The following RBAK variants were observed in gnomAD, a reference collection of about 807,000 sequenced individuals.
The protein encoded by RBAK is RB-associated KRAB zinc finger protein.
Under a neutral mutation model 65.8 loss-of-function variants are expected in RBAK, and 39 were observed. The ratio of observed to expected loss-of-function variants is 0.59; its 90% CI spans 0.46 to 0.77. RBAK has a LOEUF of 0.77. RBAK is among the 30% of genes least tolerant of loss of function. The pLI is 0.00. For missense variants in RBAK, 884 were observed against 855.1 expected (o/e 1.03, Z -0.42); for synonymous variants, 343 against 289.7 (o/e 1.18, Z -1.87).
Position 5,067,448 on chromosome 7 carries a change from A to T in RBAK, c.*1847A>T, listed in dbSNP as rs1192890191. 6.6e-6 allele frequency: 1 copy of T among 152,200 alleles called. No individual in the cohort carries two copies. Among genetic ancestry groups the T allele is most frequent in the African/African-American group, 2.4e-5 (1 of 41,466 alleles). The allele number at this position is 152,200 out of a possible 1,614,324, so 9.4% of individuals were successfully genotyped here. On this transcript the variant is annotated 3_prime_UTR_variant, in exon 5 of 5. Coordinates refer to ENST00000396912, the MANE Select transcript of RBAK (RefSeq NM_021163.4). ...GAGAAAATGAGTTAATATGCTTTGA[A>T]GAACTGTATCCAGAAAATAAAATTA... is the stretch of plus-strand genomic sequence containing the variant.
chr7:5,054,499 G>A (rs1788182497), intron 2 of RBAK, among the ~76,000 whole-genome samples: 1 of 151,106 alleles, frequency 6.6e-6, no homozygotes, highest in Admixed American at 6.6e-5. Flanking sequence ...TCTTTGTTAT[G>A]TGCCATTTCA....
intron 2 of RBAK, among the ~76,000 whole-genome samples, chr7:5,053,105 T>G (rs1208047700): frequency 2.0e-5 from 3 of 152,248 alleles, no homozygotes; most frequent in East Asian, 3.8e-4. Flanking sequence ...AAATACACAG[T>G]TACCATTTCT....
At chr7:5,057,599 A>G in intron 3 of RBAK, 85 bp from the exon 4 acceptor site, 1 of 1,595,992 alleles carries the variant, frequency 6.3e-7, no homozygotes, top group Non-Finnish European at 8.5e-7. Flanking sequence ...TCTGTTATGC[A>G]GCTTATGAGG....
chr7:5,064,868 C>G lies in RBAK; in HGVS notation c.1412C>G (p.Ala471Gly). The G allele has an allele frequency of 1.2e-6, 2 of 1,613,534 alleles. No homozygotes were observed. Among genetic ancestry groups the G allele is most frequent in the Non-Finnish European group, 1.7e-6 (2 of 1,179,686 alleles). The change falls in exon 5 of 5, where the codon GCC becomes GGC. Residue 471 changes from alanine to glycine, a missense_variant. Transcript: ENST00000396912. The surrounding 1 kb of genome is among the most constrained non-coding windows in gnomAD (Gnocchi z 6.3). Reference sequence around the variant, plus strand: ...GGCAAAACCTTCAATTTAAATTCAGCCTTCATTAGACATCGGAAAGTACAC... The same window carrying G: ...GGCAAAACCTTCAATTTAAATTCAGGCTTCATTAGACATCGGAAAGTACAC... The part of the protein sequence containing the change: ...ECGKTFNLNS[A>G]FIRHRKVHTE...
At chr7:5,062,197 G>C (rs1212784111) in intron 4 of RBAK, among the ~76,000 whole-genome samples, 4 of 152,172 alleles carry the variant, frequency 2.6e-5, no homozygotes, top group Non-Finnish European at 4.4e-5. Context: ...CCTAGCACCT[G>C]TTTTTGTTCC....
intron 4 of RBAK, among the ~76,000 whole-genome samples, chr7:5,062,438 A>G (rs1471635850): frequency 6.6e-6 from 1 of 152,184 alleles, no homozygotes; most frequent in Non-Finnish European, 1.5e-5. Context: ...GGGAGTGTAC[A>G]AACAGGTGTG....
In RBAK at chr7:5,064,902, G is replaced by C. The variant is rs750861797; in HGVS notation, c.1446G>C (p.Glu482Asp). 2.5e-6 allele frequency: 4 copies of C among 1,613,978 alleles called. No individual in the cohort carries two copies. The highest frequency in any genetic ancestry group is 3.4e-6 in the Non-Finnish European group (4 of 1,179,954). ...FIRHRKVHTE[E>D]KSHECSECGK... Reference sequence around the variant, plus strand: ...GACATCGGAAAGTACACACAGAAGAGAAATCCCATGAATGTAGTGAATGTG... The same window carrying C: ...GACATCGGAAAGTACACACAGAAGACAAATCCCATGAATGTAGTGAATGTG... Residue 482 changes from glutamate (E) to aspartate (D), a missense_variant, in exon 5 of 5, where the codon GAG (glutamate) becomes GAC (aspartate). Transcript: ENST00000396912. The surrounding 1 kb of genome is among the most constrained non-coding windows in gnomAD (Gnocchi z 6.3).
At chr7:5,050,629 G>T (rs530276854) in intron 2 of RBAK, among the ~76,000 whole-genome samples, 2 of 152,000 alleles carry the variant, frequency 1.3e-5, no homozygotes, top group African/African-American at 2.4e-5. Context: ...CTGTCACCCA[G>T]GCTGTCGTGT....
chr7:5,047,986 C>G, intron 1 of RBAK, 47 bp from the exon 2 acceptor site: 1 of 1,008,042 alleles, frequency 9.9e-7, no homozygotes, highest in Non-Finnish European at 1.5e-6. Context: ...CCTGCCTTTG[C>G]AGGCCAGAGC....
chr7:5,062,484 A>C (rs1299471163), intron 4 of RBAK, among the ~76,000 whole-genome samples: 1 of 152,222 alleles, frequency 6.6e-6, no homozygotes, highest in Admixed American at 6.5e-5. Context: ...AGGTAATAGA[A>C]TATCACAAGG....
intron 1 of RBAK, among the ~76,000 whole-genome samples, chr7:5,046,691 T>G (rs1321728694): frequency 3.3e-5 from 5 of 152,152 alleles, no homozygotes; most frequent in East Asian, 1.9e-4. Context: ...GATTTCGACC[T>G]CCTCTAAACG....
intron 2 of RBAK, among the ~76,000 whole-genome samples, chr7:5,053,674 A>T (rs1261920263): frequency 6.6e-6 from 1 of 151,938 alleles, no homozygotes; most frequent in African/African-American, 2.4e-5. Context: ...TCTCTGTTTC[A>T]TTTTATGTAA....
Position 5,057,384 on chromosome 7 carries a change from T to A in RBAK, c.105T>A (p.Asp35Glu). 1.2e-6 allele frequency: 2 copies of A among 1,614,050 alleles called. No homozygotes were observed. The highest frequency in any genetic ancestry group is 1.7e-6 in the Non-Finnish European group (2 of 1,180,020). ...LDPDEKITYR[D>E]VMLENYSHLV... is the part of the protein sequence containing the mutation. Reference sequence around the variant, plus strand: ...CTGATGAGAAGATAACTTACAGGGATGTGATGTTGGAGAACTATAGCCATC... The same window carrying A: ...CTGATGAGAAGATAACTTACAGGGAAGTGATGTTGGAGAACTATAGCCATC... Residue 35 changes from aspartate (D) to glutamate (E), a missense_variant, in exon 3 of 5, where the codon GAT (aspartate) becomes GAA (glutamate). Physicochemically the swap from Asp to Glu is conservative, Grantham distance 45. Coordinates refer to ENST00000396912, the MANE Select transcript of RBAK (RefSeq NM_021163.4).
Position 5,046,145 on chromosome 7 carries a change from C to A in RBAK, c.-296C>A. ...AGGCGAAGGGGCGGCGGGACGCGGGCCTGGCCCGTGTGTGTCCTGGCGGCC... is the reference window on the plus strand; with the variant it reads ...AGGCGAAGGGGCGGCGGGACGCGGGACTGGCCCGTGTGTGTCCTGGCGGCC... On this transcript the variant is annotated 5_prime_UTR_variant, in exon 1 of 5. Coordinates refer to ENST00000396912, the MANE Select transcript of RBAK (RefSeq NM_021163.4). 1 of 398,770 alleles carries A rather than the reference C, an allele frequency of 2.5e-6. No homozygotes were observed. The highest frequency in any genetic ancestry group is 1.8e-5 in the South Asian group (1 of 54,866). The allele number at this position is 398,770 out of a possible 1,614,324, so 24.7% of individuals were successfully genotyped here.
intron 4 of RBAK, among the ~76,000 whole-genome samples, chr7:5,060,137 G>A (rs1779034950): frequency 6.6e-6 from 1 of 152,152 alleles, no homozygotes; most frequent in South Asian, 2.1e-4. Flanking sequence ...TTCTTCTACC[G>A]AATTATAGTC....
intron 4 of RBAK, among the ~76,000 whole-genome samples, chr7:5,062,627 C>T (rs1779104832): frequency 6.6e-6 from 1 of 152,128 alleles, no homozygotes; most frequent in African/African-American, 2.4e-5. Context: ...CCGGTCTGAC[C>T]AAAATTTATT....
rs761759813 is a variant in RBAK at position 5,057,736 on chromosome 7, G to A, written c.195G>A (p.Glu65=). Residue 65 remains glutamate (E), a synonymous_variant, in exon 4 of 5, where the codon GAG becomes GAA. Coordinates refer to ENST00000396912, the MANE Select transcript of RBAK (RefSeq NM_021163.4). ...NVIIKLEQGE[E]PWIMGGEFPC... is the part of the protein sequence containing the mutation. ...TCATTAAGTTGGAGCAGGGAGAGGAGCCGTGGATAATGGGAGGTGAATTTC... is the reference window on the plus strand; with the variant it reads ...TCATTAAGTTGGAGCAGGGAGAGGAACCGTGGATAATGGGAGGTGAATTTC... 37 of 1,613,918 alleles carry A rather than the reference G, an allele frequency of 2.3e-5. No homozygotes were observed. The highest frequency in any genetic ancestry group is 3.1e-5 in the Non-Finnish European group (37 of 1,179,848).
intron 4 of RBAK, among the ~76,000 whole-genome samples, chr7:5,061,002 A>G (rs1241148063): frequency 6.6e-6 from 1 of 152,264 alleles, no homozygotes; most frequent in African/African-American, 2.4e-5. Context: ...AATGAAACCC[A>G]GGAGTTTGGG....
chr7:5,050,073 G>A (rs1788082825), intron 2 of RBAK, among the ~76,000 whole-genome samples: 1 of 152,150 alleles, frequency 6.6e-6, no homozygotes, highest in African/African-American at 2.4e-5. Flanking sequence ...CTGACCTCAA[G>A]CAATCCTTTC....
Sources: allele counts gnomAD v4.1 joint callset (sites outside exome capture counted in the v4.1 genomes callset), GRCh38; gene constraint gnomAD v4.1.1; non-coding constraint Gnocchi (gnomAD v3.1); transcripts MANE v1.5; gene names NCBI Gene and HGNC (gene_info 2026-07-23, HGNC 2026-07-21).